Variants in TMEM108 observed in about 807,000 individuals in gnomAD.
TMEM108 encodes cancer/testis antigen 124.
In TMEM108, 12 loss-of-function variants were observed where a neutral mutation model predicts 35.1. The observed-to-expected ratio is 0.34, with a 90% CI of 0.22 to 0.55. The LOEUF (loss-of-function observed/expected upper bound fraction) is 0.55, where lower values mean the gene tolerates loss of function less well. Among genes scored for constraint, TMEM108 ranks in the 20% least tolerant of loss-of-function variants. The pLI is 0.89. For missense variants in TMEM108, 680 were observed against 753.3 expected, an observed-to-expected ratio of 0.90 and a Z score of 1.14; for synonymous variants, 287 against 308.6, an observed-to-expected ratio of 0.93 and a Z score of 0.73.
At chr3:133,179,577 G>T (rs1357551828) in intron 2 of TMEM108, among the ~76,000 whole-genome samples, 1 of 151,526 alleles carries the variant, frequency 6.6e-6, no homozygotes, top group Non-Finnish European at 1.5e-5. Context: ...AACACCACTT[G>T]TTCTCACTCA....
At chr3:133,355,145 G>A (rs899507653) in intron 3 of TMEM108, among the ~76,000 whole-genome samples, 2 of 152,206 alleles carry the variant, frequency 1.3e-5, no homozygotes, top group African/African-American at 4.8e-5. Flanking sequence ...TCACTGCACA[G>A]CATTTGTGAA....
chr3:133,070,650 A>G (rs1943664119), intron 2 of TMEM108, among the ~76,000 whole-genome samples: 1 of 152,070 alleles, frequency 6.6e-6, no homozygotes. Flanking sequence ...CTTTGTAACA[A>G]AGCAATGTCC....
chr3:133,373,036 A>G lies in TMEM108; in HGVS notation c.41-6716A>G, dbSNP rs190265963. On this transcript the variant is annotated intron_variant, in intron 3 of 5. Transcript: ENST00000321871. Reference sequence around the variant, plus strand: ...TAAAAGGAATCATTGGAGTTCAGAGATGGACCATACTAGAACACTGGAACC... The same window carrying G: ...TAAAAGGAATCATTGGAGTTCAGAGGTGGACCATACTAGAACACTGGAACC... Among the ~76,000 whole-genome samples the G allele has an allele frequency of 2.7e-3, 406 of 152,314 alleles. 3 individuals carry two copies. The highest frequency in any genetic ancestry group is 9.2e-3 in the African/African-American group (381 of 41,570).
chr3:133,205,193 T>C (rs918371087), intron 2 of TMEM108, among the ~76,000 whole-genome samples: 4 of 151,500 alleles, frequency 2.6e-5, no homozygotes, highest in Non-Finnish European at 4.4e-5. Context: ...TTTGAGCCTA[T>C]GTGCGTCCTT....
At chr3:133,132,229 C>T (rs1179745394) in intron 2 of TMEM108, among the ~76,000 whole-genome samples, 1 of 152,214 alleles carries the variant, frequency 6.6e-6, no homozygotes, top group African/African-American at 2.4e-5. Context: ...ATGAAACAGG[C>T]TTCTGTTGGA....
chr3:133,096,445 A>G (rs1186529270), intron 2 of TMEM108, among the ~76,000 whole-genome samples: 2 of 152,194 alleles, frequency 1.3e-5, no homozygotes, highest in African/African-American at 4.8e-5. Context: ...ACTGTGAGCC[A>G]TTGTGCTCAG....
intron 3 of TMEM108, among the ~76,000 whole-genome samples, chr3:133,334,903 T>C (rs2071463400): frequency 6.6e-6 from 1 of 152,174 alleles, no homozygotes; most frequent in African/African-American, 2.4e-5. Flanking sequence ...AACAGATTGT[T>C]TAAATAAGCA....
At chr3:133,369,288 T>C (rs546209481) in intron 3 of TMEM108, among the ~76,000 whole-genome samples, 21 of 152,254 alleles carry the variant, frequency 1.4e-4, no homozygotes, top group Non-Finnish European at 2.1e-4. Flanking sequence ...GACAGTCAAG[T>C]TGGGTTTTGG....
chr3:133,270,796 C>T (rs1220831159), intron 3 of TMEM108, among the ~76,000 whole-genome samples: 1 of 7,832 alleles, frequency 1.3e-4, no homozygotes, highest in Non-Finnish European at 4.8e-4. Flanking sequence ...GAAGAATGTA[C>T]ACACACACAC....
At chr3:133,360,942 T>C (rs1263473602) in intron 3 of TMEM108, among the ~76,000 whole-genome samples, 2 of 152,144 alleles carry the variant, frequency 1.3e-5, no homozygotes, top group Non-Finnish European at 2.9e-5. Context: ...AACAAAAAAA[T>C]ATAGGCTGAT....
intron 3 of TMEM108, among the ~76,000 whole-genome samples, chr3:133,279,654 T>A (rs964179025): frequency 1.3e-5 from 2 of 152,196 alleles, no homozygotes; most frequent in Non-Finnish European, 2.9e-5. Flanking sequence ...TGCCTGGACA[T>A]GGTAGATGGC....
intron 2 of TMEM108, among the ~76,000 whole-genome samples, chr3:133,186,447 G>A (rs774449869): frequency 6.6e-5 from 10 of 152,302 alleles, no homozygotes; most frequent in African/African-American, 1.4e-4. Context: ...ACAAAGCTGC[G>A]TAATGTAAAC....
At chr3:133,198,213 T>C (rs1189413895) in intron 2 of TMEM108, among the ~76,000 whole-genome samples, 1 of 152,202 alleles carries the variant, frequency 6.6e-6, no homozygotes, top group Non-Finnish European at 1.5e-5. Flanking sequence ...TTAAACCCAC[T>C]GGCGAGAGAG....
chr3:133,188,594 A>G (rs1298090293), intron 2 of TMEM108, among the ~76,000 whole-genome samples: 1 of 152,196 alleles, frequency 6.6e-6, no homozygotes, highest in Non-Finnish European at 1.5e-5. Context: ...GAATTGCTTC[A>G]AAATCCTAAT....
chr3:133,200,079 T>A (rs1014106167), intron 2 of TMEM108, among the ~76,000 whole-genome samples: 3 of 152,166 alleles, frequency 2.0e-5, no homozygotes, highest in Admixed American at 2.0e-4. Flanking sequence ...GCACGGGATA[T>A]AATCTCCTGG....
At chr3:133,151,991 C>G (rs1576347413) in intron 2 of TMEM108, among the ~76,000 whole-genome samples, 1 of 152,122 alleles carries the variant, frequency 6.6e-6, no homozygotes, top group Non-Finnish European at 1.5e-5. Context: ...CTGTATGCAT[C>G]TACAGCTGAC....
chr3:133,094,128 ATGCAGGTC>A (rs1045356689), intron 2 of TMEM108, among the ~76,000 whole-genome samples: 1 of 152,046 alleles, frequency 6.6e-6, no homozygotes, highest in African/African-American at 2.4e-5. Flanking sequence ...GTGTGAAGAT[ATGCAGGTC>A]TGTTTCTTAA....
rs1513371 is a variant in TMEM108 at position 133,361,671 on chromosome 3, C to G, written c.41-18081C>G. On this transcript the variant is annotated intron_variant, in intron 3 of 5. Transcript: ENST00000321871. ...AGATTCACATAGCTGGAGGCTTGGA[C>G]AGCTGGGACTCCTAAGCATCTCTCT... Among the ~76,000 whole-genome samples the G allele has an allele frequency of 1.0e-2, 1,521 of 152,244 alleles. 27 individuals are homozygous for G. The highest frequency in any genetic ancestry group is 0.035 in the African/African-American group (1,444 of 41,528).
rs71435450 is a variant in TMEM108 at position 133,338,005 on chromosome 3, G to A, written c.41-41747G>A. Among the ~76,000 whole-genome samples, 391 of 152,108 alleles carry A rather than the reference G, an allele frequency of 2.6e-3. 2 individuals carry two copies. The highest frequency in any genetic ancestry group is 8.9e-3 in the African/African-American group (370 of 41,496). On this transcript the variant is annotated intron_variant, in intron 3 of 5. Transcript: ENST00000321871. ...GACAGGCTATTTAAAAATACACGTCGGAGGAGGCAAAAGAAAAAAGAACAA... is the reference window on the plus strand; with the variant it reads ...GACAGGCTATTTAAAAATACACGTCAGAGGAGGCAAAAGAAAAAAGAACAA...
Sources: allele counts gnomAD v4.1 joint callset (sites outside exome capture counted in the v4.1 genomes callset), GRCh38; gene constraint gnomAD v4.1.1; transcripts MANE v1.5; gene names NCBI Gene and HGNC (gene_info 2026-07-23, HGNC 2026-07-21).